The following ABCA13 variants were observed in gnomAD, a reference collection of about 807,000 sequenced individuals.
ABCA13 encodes ATP-binding cassette sub-family A member 13.
ABCA13 carries 476 observed loss-of-function variants against 478.7 expected under a neutral mutation model. That is an observed-to-expected ratio of 0.99 (90% CI 0.92 to 1.07). ABCA13 has a LOEUF of 1.07. Ranked by LOEUF, ABCA13 falls within the 50% of genes least tolerant of loss-of-function variation. The pLI, the probability that ABCA13 is intolerant of heterozygous loss-of-function variation, is 0.00. For missense variants in ABCA13, 6,060 were observed against 5,910.6 expected (o/e 1.03, Z -0.83); for synonymous variants, 2,252 against 2,158.9 (o/e 1.04, Z -1.20).
chr7:48,317,372 A>G, intron 27 of ABCA13, 76 bp downstream of exon 27: 1 of 1,471,744 alleles, frequency 6.8e-7, no homozygotes. Flanking sequence ...AATGTCTGAC[A>G]TAATTATTAT....
chr7:48,386,542 T>C lies in ABCA13; in HGVS notation c.11336-1280T>C, dbSNP rs142118915. 9.9e-3 allele frequency among the ~76,000 whole-genome samples: 1,509 copies of C among 152,150 alleles called. 20 individuals are homozygous for C. Among genetic ancestry groups the C allele is most frequent in the South Asian group, 0.021 (101 of 4,816 alleles). On this transcript the variant is annotated intron_variant, in intron 35 of 61. Transcript: ENST00000435803. ...TGGTTCTGGTACAAGAACAGACACA[T>C]AGACTAACAGAACAGAATAGAGAAC...
intron 54 of ABCA13, among the ~76,000 whole-genome samples, chr7:48,527,772 CACACAT>C (rs1209801717): frequency 1.2e-4 from 19 of 152,096 alleles, no homozygotes; most frequent in Admixed American, 6.5e-5. Flanking sequence ...GCACTACACA[CACACAT>C]ACACATACAC....
At chr7:48,443,747 T>C (rs1247776791) in intron 42 of ABCA13, among the ~76,000 whole-genome samples, 1 of 152,094 alleles carries the variant, frequency 6.6e-6, no homozygotes, top group African/African-American at 2.4e-5. Flanking sequence ...ATGTCCCCTC[T>C]CCTCGTGCCT....
In ABCA13 at chr7:48,187,740, CTT is replaced by C. The variant is rs536690537; in HGVS notation, c.70-5214_70-5213del. On this transcript the variant is annotated intron_variant, in intron 1 of 61. Coordinates refer to ENST00000435803, the MANE Select transcript of ABCA13 (RefSeq NM_152701.5). Reference sequence around the variant, plus strand: ...GTTTTTTTTCTTAGATCCACAATCTCTTTTTTACTTATTTGTTTATATCTTTT... The same window carrying C: ...GTTTTTTTTCTTAGATCCACAATCTCTTTTACTTATTTGTTTATATCTTTT... 9.9e-5 allele frequency among the ~76,000 whole-genome samples: 15 copies of C among 151,792 alleles called. No individual in the cohort carries two copies. In the South Asian group the frequency reaches 2.9e-3, roughly 29 times the overall value.
chr7:48,543,287 T>C (rs1784503916), intron 55 of ABCA13, among the ~76,000 whole-genome samples: 1 of 151,788 alleles, frequency 6.6e-6, no homozygotes, highest in South Asian at 2.1e-4. Context: ...AGGTATAATA[T>C]GTAAATTACT....
intron 50 of ABCA13, 46 bp from the exon 51 acceptor site, chr7:48,511,038 A>G: frequency 7.0e-7 from 1 of 1,421,152 alleles, no homozygotes; most frequent in Non-Finnish European, 9.9e-7. Flanking sequence ...AATAAATATG[A>G]CCATCTGATG....
At chr7:48,203,354 G>C (rs1376230936) in intron 3 of ABCA13, among the ~76,000 whole-genome samples, 1 of 152,240 alleles carries the variant, frequency 6.6e-6, no homozygotes, top group Non-Finnish European at 1.5e-5. Flanking sequence ...AGCCCAGAAA[G>C]GGACTCCCAC....
intron 35 of ABCA13, among the ~76,000 whole-genome samples, chr7:48,381,871 T>C (rs781435941): frequency 4.6e-5 from 7 of 152,042 alleles, no homozygotes; most frequent in Non-Finnish European, 8.8e-5. Flanking sequence ...GCTTCTAGAG[T>C]GTGCACGTAA....
At chr7:48,429,747 T>C (rs1045739020) in intron 42 of ABCA13, among the ~76,000 whole-genome samples, 2 of 152,226 alleles carry the variant, frequency 1.3e-5, no homozygotes, top group African/African-American at 4.8e-5. Context: ...CTGTTCTTAA[T>C]TGTGGAGTGT....
At chr7:48,566,112 G>T (rs1024175273) in intron 55 of ABCA13, among the ~76,000 whole-genome samples, 1 of 152,046 alleles carries the variant, frequency 6.6e-6, no homozygotes, top group Non-Finnish European at 1.5e-5. Flanking sequence ...CTACTTTCAC[G>T]GTTTACAGAC....
At chr7:48,616,358 C>A (rs1792568451) in intron 59 of ABCA13, among the ~76,000 whole-genome samples, 1 of 152,102 alleles carries the variant, frequency 6.6e-6, no homozygotes, top group African/African-American at 2.4e-5. Context: ...GGAAACTATT[C>A]TCGGTATGTA....
intron 49 of ABCA13, among the ~76,000 whole-genome samples, chr7:48,507,404 T>G (rs187657803): frequency 1.3e-5 from 2 of 152,308 alleles, no homozygotes; most frequent in Admixed American, 1.3e-4. Flanking sequence ...AGCACCTCAA[T>G]CTATTGCAAA....
At position 48,556,472 on chromosome 7, in the gene ABCA13, A is replaced by T. The variant is rs988294445; in HGVS notation, c.14355-23752A>T. On this transcript the variant is annotated intron_variant, in intron 55 of 61. Transcript: ENST00000435803. Reference sequence around the variant, plus strand: ...ATCTCTCATAATATTTGCTTTATATATCTGAGTGCTCCTGTGTTGGGTACA... The same window carrying T: ...ATCTCTCATAATATTTGCTTTATATTTCTGAGTGCTCCTGTGTTGGGTACA... 2.0e-5 allele frequency among the ~76,000 whole-genome samples: 3 copies of T among 152,002 alleles called. No individual in the cohort carries two copies. The East Asian group carries it at 5.8e-4, about 29-fold the overall frequency.
chr7:48,416,183 T>C (rs533262857), intron 41 of ABCA13, among the ~76,000 whole-genome samples: 53 of 152,264 alleles, frequency 3.5e-4, no homozygotes, highest in African/African-American at 1.2e-3. Flanking sequence ...AAAAACTAGA[T>C]AAATCAATGT....
chr7:48,196,658 T>A (rs867418805), intron 2 of ABCA13, among the ~76,000 whole-genome samples: 1 of 152,002 alleles, frequency 6.6e-6, no homozygotes, highest in Non-Finnish European at 1.5e-5. Context: ...CCATGCCAGG[T>A]CTTTAATCTT....
At position 48,295,999 on chromosome 7, in the gene ABCA13, C is replaced by T. The variant is rs1799312190; in HGVS notation, c.9119+136C>T. The stretch of plus-strand genomic sequence containing the variant: ...AATGTGCATATTAATATATATTTTC[C>T]AAACATCAAAGTTTTCCATGACAAT... On this transcript the variant is annotated intron_variant, in intron 21 of 61. Coordinates refer to ENST00000435803, the MANE Select transcript of ABCA13 (RefSeq NM_152701.5). 3.5e-6 allele frequency: 4 copies of T among 1,146,570 alleles called. No homozygotes were observed. The South Asian group carries it at 9.3e-5, about 27-fold the overall frequency. The allele number at this position is 1,146,570 out of a possible 1,614,324, so 71.0% of individuals were successfully genotyped here. A position where few individuals can be genotyped will look rare whatever the true frequency, so the allele number is the denominator to read the frequency against.
intron 12 of ABCA13, 50 bp downstream of exon 12, chr7:48,245,662 A>G: frequency 6.4e-7 from 1 of 1,562,638 alleles, no homozygotes; most frequent in Non-Finnish European, 8.7e-7. Flanking sequence ...AAAACATTCA[A>G]GAAGCTCATG....
At position 48,317,385 on chromosome 7, in the gene ABCA13, G is replaced by T. The variant is rs951735944; in HGVS notation, c.9999+89G>T. The T allele has an allele frequency of 2.9e-6, 4 of 1,391,270 alleles. No homozygotes were observed. The Admixed American group carries it at 7.2e-5, about 25-fold the overall frequency. 86.2% of individuals were successfully genotyped at this position (1,391,270 alleles called of 1,614,324 possible). ...AAAATGTCTGACATAATTATTATGC[G>T]CCTTGGATTATGTAGAAGGCTCTTG... is the stretch of plus-strand genomic sequence containing the variant. On this transcript the variant is annotated intron_variant, in intron 27 of 61. Transcript: ENST00000435803.
intron 42 of ABCA13, among the ~76,000 whole-genome samples, chr7:48,430,826 T>C (rs1182815786): frequency 6.6e-6 from 1 of 152,166 alleles, no homozygotes; most frequent in African/African-American, 2.4e-5. Context: ...TATTGATTTT[T>C]CTCTTTTCAA....
Sources: allele counts gnomAD v4.1 joint callset (sites outside exome capture counted in the v4.1 genomes callset), GRCh38; gene constraint gnomAD v4.1.1; transcripts MANE v1.5; gene names NCBI Gene and HGNC (gene_info 2026-07-23, HGNC 2026-07-21).